HECW1: variants seen among roughly 807,000 people sequenced by gnomAD.
HECW1 encodes HECT, C2 and WW domain containing E3 ubiquitin protein ligase 1.
A neutral mutation model predicts 182.3 loss-of-function variants in HECW1; 61 were observed. That is an observed-to-expected ratio of 0.33 (90% confidence interval 0.27 to 0.41). The LOEUF (loss-of-function observed/expected upper bound fraction) is 0.41. HECW1 is among the 10% of genes least tolerant of loss of function. The probability of loss-of-function intolerance (pLI) is 1.00; values close to 1 mark genes in which losing one functional copy is unlikely to be tolerated. For synonymous variants in HECW1, 859 were observed against 832.6 expected (o/e 1.03, Z -0.55); for missense variants, 1,739 against 2,108.9 (o/e 0.82, Z 3.44).
intron 5 of HECW1, among the ~76,000 whole-genome samples, chr7:43,329,930 C>G (rs1415612781): frequency 6.6e-6 from 1 of 152,142 alleles, no homozygotes; most frequent in African/African-American, 2.4e-5. Context: ...TTTTAATAAG[C>G]ATGCCATGTT....
chr7:43,256,764 C>T (rs1353410525), intron 3 of HECW1, among the ~76,000 whole-genome samples: 2 of 152,042 alleles, frequency 1.3e-5, no homozygotes. Flanking sequence ...TCACTAAAAG[C>T]AATATTTCCT....
intron 27 of HECW1, among the ~76,000 whole-genome samples, chr7:43,550,940 G>A (rs928060640): frequency 6.6e-6 from 1 of 152,174 alleles, no homozygotes; most frequent in African/African-American, 2.4e-5. Flanking sequence ...ACAAAAATAA[G>A]TGAAGTGAAG....
intron 22 of HECW1, 85 bp from the exon 23 acceptor site, chr7:43,507,933 C>A (rs1046705243): frequency 1.1e-6 from 1 of 903,900 alleles, no homozygotes; most frequent in Non-Finnish European, 1.8e-6. Flanking sequence ...GAGTGAGAAC[C>A]TAAACCTGGA....
intron 2 of HECW1, among the ~76,000 whole-genome samples, chr7:43,167,710 A>G (rs990673388): frequency 6.6e-6 from 1 of 152,198 alleles, no homozygotes; most frequent in African/African-American, 2.4e-5. Flanking sequence ...CTTTCCACCC[A>G]TGTAGGTATC....
intron 24 of HECW1, among the ~76,000 whole-genome samples, chr7:43,537,024 G>T (rs1235875103): frequency 6.6e-6 from 1 of 152,210 alleles, no homozygotes; most frequent in Non-Finnish European, 1.5e-5. Context: ...GACGGTAGAA[G>T]CTGCGTTCAA....
At chr7:43,407,093 A>G (rs913891143) in intron 7 of HECW1, among the ~76,000 whole-genome samples, 9 of 151,974 alleles carry the variant, frequency 5.9e-5, no homozygotes, top group African/African-American at 2.2e-4. Context: ...GAACAGCTCG[A>G]TTTTCAAAGC....
At chr7:43,456,157 A>G in intron 12 of HECW1, 140 bp from the exon 13 acceptor site, 1 of 677,684 alleles carries the variant, frequency 1.5e-6, no homozygotes, top group Non-Finnish European at 2.4e-6. Flanking sequence ...TCGTGGTGGC[A>G]GGTGCTGTGG....
chr7:43,456,572 T>C (rs2077411154), intron 13 of HECW1, 125 bp downstream of exon 13: 1 of 870,586 alleles, frequency 1.1e-6, no homozygotes, highest in Non-Finnish European at 1.6e-6. Context: ...TTAAGTATCT[T>C]AAGAAACCTG....
At chr7:43,450,015 G>A (rs1450621867) in intron 11 of HECW1, among the ~76,000 whole-genome samples, 1 of 152,304 alleles carries the variant, frequency 6.6e-6, no homozygotes, top group East Asian at 1.9e-4. Context: ...ATAATCTGAG[G>A]CATGCATCCT....
At chr7:43,159,179 A>G (rs1384171058) in intron 2 of HECW1, among the ~76,000 whole-genome samples, 1 of 92,480 alleles carries the variant, frequency 1.1e-5, no homozygotes, top group South Asian at 4.2e-4. Flanking sequence ...ACCTTTGTTC[A>G]TTTTCTTTTT....
At chr7:43,238,136 C>T (rs1798553690) in intron 2 of HECW1, among the ~76,000 whole-genome samples, 2 of 152,164 alleles carry the variant, frequency 1.3e-5, no homozygotes, top group South Asian at 2.1e-4. Flanking sequence ...AGTTCTATTA[C>T]GTGTGTTTGC....
intron 5 of HECW1, among the ~76,000 whole-genome samples, chr7:43,323,500 C>T (rs967445593): frequency 4.6e-5 from 7 of 151,992 alleles, no homozygotes; most frequent in Non-Finnish European, 1.0e-4. Flanking sequence ...GTGGAAGCAT[C>T]ACCTGTACCG....
intron 16 of HECW1, among the ~76,000 whole-genome samples, chr7:43,470,728 T>TACACACACATGCTC (rs1311425032): frequency 5.6e-5 from 8 of 144,050 alleles, no homozygotes; most frequent in Admixed American, 1.4e-4. Flanking sequence ...GCTGTGTGCC[T>TACACACACATGCTC]ACACACACAT....
chr7:43,384,620 G>A (rs571115763), intron 6 of HECW1, among the ~76,000 whole-genome samples: 2 of 152,234 alleles, frequency 1.3e-5, no homozygotes, highest in South Asian at 2.1e-4. Context: ...GGGGGAAAAC[G>A]TTTGCCTTTA....
intron 8 of HECW1, among the ~76,000 whole-genome samples, chr7:43,418,371 T>C (rs887476889): frequency 6.6e-6 from 1 of 152,232 alleles, no homozygotes; most frequent in African/African-American, 2.4e-5. Context: ...CTTGAAGCTA[T>C]AAGTTTGTTT....
chr7:43,190,578 T>A (rs1183445023), intron 2 of HECW1, among the ~76,000 whole-genome samples: 1 of 152,234 alleles, frequency 6.6e-6, no homozygotes, highest in Non-Finnish European at 1.5e-5. Flanking sequence ...ATGTATTCAG[T>A]TGTCCGGTGA....
intron 6 of HECW1, 144 bp downstream of exon 6, chr7:43,361,124 AGATT>A (rs1815847705): frequency 3.6e-6 from 2 of 549,616 alleles, no homozygotes; most frequent in Non-Finnish European, 6.4e-6. Context: ...ATATACTGAT[AGATT>A]GATTATGAAT....
At chr7:43,523,053 G>A (rs761260332) in intron 24 of HECW1, 5 of 446,558 alleles carry the variant, frequency 1.1e-5, no homozygotes, top group African/African-American at 2.0e-5. Context: ...CCCCAGGCTA[G>A]AGTGCAATGG....
At chr7:43,299,537 T>C (rs1490133796) in intron 3 of HECW1, among the ~76,000 whole-genome samples, 1 of 152,130 alleles carries the variant, frequency 6.6e-6, no homozygotes, top group Admixed American at 6.5e-5. Context: ...AGAAAAAGAC[T>C]TAAAAAAAAA....
Sources: allele counts gnomAD v4.1 joint callset (sites outside exome capture counted in the v4.1 genomes callset), GRCh38; gene constraint gnomAD v4.1.1; transcripts MANE v1.5; gene names NCBI Gene and HGNC (gene_info 2026-07-23, HGNC 2026-07-21).